The following AKR1C1 variants were observed in gnomAD, a reference collection of about 807,000 sequenced individuals.
The protein encoded by AKR1C1 is 20 alpha-hydroxysteroid dehydrogenase.
In AKR1C1, 32 loss-of-function variants were observed where a neutral mutation model predicts 40.6. That is an observed-to-expected ratio of 0.79 (90% CI 0.60 to 1.06). The LOEUF (loss-of-function observed/expected upper bound fraction) is 1.06. AKR1C1 is among the 50% of genes least tolerant of loss of function. The pLI is 0.00. For missense variants in AKR1C1, 320 were observed against 363.5 expected (o/e 0.88, Z 0.97); for synonymous variants, 105 against 134.2 (o/e 0.78, Z 1.50).
At position 4,979,259 on chromosome 10, in the gene AKR1C1, G is replaced by A. The variant is rs1158827077; in HGVS notation, c.*1517G>A. On this transcript the variant is annotated 3_prime_UTR_variant, in exon 9 of 9. Coordinates refer to ENST00000380872, the MANE Select transcript of AKR1C1 (RefSeq NM_001353.6). ...GTCTTCTATCATTCCGCTGATCTTA[G>A]ATATTCTCTGCATTAAATATTAAAT... is the stretch of plus-strand genomic sequence containing the variant. 5 of 152,056 alleles carry A rather than the reference G, an allele frequency of 3.3e-5. No individual in the cohort carries two copies. Among genetic ancestry groups the A allele is most frequent in the Admixed American group, 1.3e-4 (2 of 15,274 alleles). 9.4% of individuals were successfully genotyped at this position (152,056 alleles called of 1,614,324 possible).
At chr10:4,970,704 G>A (rs565611886) in intron 5 of AKR1C1, among the ~76,000 whole-genome samples, 214 of 150,932 alleles carry the variant, frequency 1.4e-3, no homozygotes, top group African/African-American at 4.9e-3. Flanking sequence ...GTAAACTATC[G>A]CAAGAACAAA....
intron 8 of AKR1C1, among the ~76,000 whole-genome samples, chr10:4,977,299 A>G (rs1231683393): frequency 6.6e-6 from 1 of 152,246 alleles, no homozygotes; most frequent in African/African-American, 2.4e-5. Context: ...CAGTATAATC[A>G]TCACACTCAA....
At chr10:4,964,689 G>T (rs1434262994) in intron 1 of AKR1C1, among the ~76,000 whole-genome samples, 1 of 152,176 alleles carries the variant, frequency 6.6e-6, no homozygotes, top group African/African-American at 2.4e-5. Context: ...TTTCCTAAAA[G>T]AGTTGCCTTG....
In AKR1C1 at chr10:4,977,813, G is replaced by A. The variant is rs1836551082; in HGVS notation, c.*71G>A. The stretch of plus-strand genomic sequence containing the variant: ...ATGGTGACACAGAGGATGGCTCTAT[G>A]CTGGTGACTGGACACATCGCCTCTG... On this transcript the variant is annotated 3_prime_UTR_variant, in exon 9 of 9. Coordinates refer to ENST00000380872, the MANE Select transcript of AKR1C1 (RefSeq NM_001353.6). 3.4e-6 allele frequency: 5 copies of A among 1,482,060 alleles called. No individual in the cohort carries two copies. Among genetic ancestry groups the A allele is most frequent in the Admixed American group, 3.7e-5 (2 of 54,662 alleles). 91.8% of individuals were successfully genotyped at this position (1,482,060 alleles called of 1,614,324 possible). A position where few individuals can be genotyped will look rare whatever the true frequency, so the allele number is the denominator to read the frequency against.
intron 8 of AKR1C1, among the ~76,000 whole-genome samples, chr10:4,977,144 T>G (rs1159667839): frequency 1.6e-4 from 24 of 152,358 alleles, no homozygotes; most frequent in African/African-American, 5.5e-4. Context: ...GTGTTATTTC[T>G]GCCTATAAAA....
rs1174379434 is a variant in AKR1C1, at chr10:4,965,933, T to C, written c.104T>C (p.Leu35Ser). 2 of 1,614,154 alleles carry C rather than the reference T, an allele frequency of 1.2e-6. No homozygotes were observed. The highest frequency in any genetic ancestry group is 2.2e-5 in the East Asian group (1 of 44,882). Residue 35 changes from leucine (L) to serine (S), a missense_variant, in exon 2 of 9, where the codon TTA (leucine) becomes TCA (serine). Around this residue, in one of 3 missense-constraint regions of AKR1C1, gnomAD observed 214 missense variants for 214.8 expected, o/e 1.00. Coordinates refer to ENST00000380872, the MANE Select transcript of AKR1C1 (RefSeq NM_001353.6). ...APAEVPKSKA[L>S]EATKLAIEAG... ...CCCCAGGTTCCTAAAAGTAAAGCTT[T>C]AGAGGCCACCAAATTGGCAATTGAA...
intron 5 of AKR1C1, among the ~76,000 whole-genome samples, chr10:4,970,295 A>C (rs936694433): frequency 3.3e-5 from 5 of 152,206 alleles, no homozygotes; most frequent in Non-Finnish European, 7.3e-5. Flanking sequence ...TTGCTTAATC[A>C]AAATATCTTT....
Position 4,968,389 on chromosome 10 carries a change from G to A in AKR1C1, c.447+3G>A. ...TGGATCTCTGTGCCACATGGGAGGT[G>A]AGTGTTTGGAGGTGAGAGAACGGAT... On this transcript the variant is annotated splice_donor_region_variant and intron_variant, in intron 4 of 8. Transcript: ENST00000380872. 2 of 1,543,974 alleles carry A rather than the reference G, an allele frequency of 1.3e-6. No individual in the cohort carries two copies. The highest frequency in any genetic ancestry group is 8.9e-7 in the Non-Finnish European group (1 of 1,127,048).
At position 4,979,563 on chromosome 10, in the gene AKR1C1, G is replaced by A. The variant is rs1836583847; in HGVS notation, c.*1821G>A. The A allele has an allele frequency of 6.6e-6, 1 of 152,082 alleles. No homozygotes were observed. The highest frequency in any genetic ancestry group is 2.4e-5 in the African/African-American group (1 of 41,338). 9.4% of individuals were successfully genotyped at this position (152,082 alleles called of 1,614,324 possible). On this transcript the variant is annotated 3_prime_UTR_variant, in exon 9 of 9. Coordinates refer to ENST00000380872, the MANE Select transcript of AKR1C1 (RefSeq NM_001353.6). ...CATTTTGTTAAAAGTTAGTAGTGAA[G>A]TGTGTAACGCTTAAGCAAACTTTCA...
intron 5 of AKR1C1, among the ~76,000 whole-genome samples, chr10:4,971,291 A>G (rs1554769805): frequency 1.3e-5 from 2 of 152,076 alleles, no homozygotes; most frequent in Non-Finnish European, 2.9e-5. Flanking sequence ...ATAAACTACT[A>G]TTCCTCTAAG....
intron 1 of AKR1C1, chr10:4,963,761 A>G (rs1325236485): frequency 2.6e-6 from 2 of 755,740 alleles, no homozygotes; most frequent in Admixed American, 1.8e-5. Context: ...ACTCAGCAGA[A>G]AGAACACGGC....
rs1469498110 is a variant in AKR1C1 at position 4,978,549 on chromosome 10, G to A, written c.*807G>A. The A allele has an allele frequency of 6.6e-6, 1 of 152,030 alleles. No homozygotes were observed. The highest frequency in any genetic ancestry group is 1.5e-5 in the Non-Finnish European group (1 of 68,014). The allele number at this position is 152,030 out of a possible 1,614,324, so 9.4% of individuals were successfully genotyped here. A position where few individuals can be genotyped will look rare whatever the true frequency, so the allele number is the denominator to read the frequency against. ...ACCCTATTGGTTTGTGGTGGGGCAGGGCATCAAAGACATCATTGACTAATC... is the reference window on the plus strand; with the variant it reads ...ACCCTATTGGTTTGTGGTGGGGCAGAGCATCAAAGACATCATTGACTAATC... On this transcript the variant is annotated 3_prime_UTR_variant, in exon 9 of 9. Transcript: ENST00000380872.
At chr10:4,973,585 T>C (rs1198617356) in intron 7 of AKR1C1, among the ~76,000 whole-genome samples, 1 of 152,146 alleles carries the variant, frequency 6.6e-6, no homozygotes, top group Non-Finnish European at 1.5e-5. Flanking sequence ...TCTGGGAAAT[T>C]CTATCACCTA....
Position 4,966,034 on chromosome 10 carries a change from A to C in AKR1C1, c.205A>C (p.Ile69Leu). 1.2e-6 allele frequency: 2 copies of C among 1,614,232 alleles called. No homozygotes were observed. The highest frequency in any genetic ancestry group is 1.6e-4 in the Middle Eastern group (1 of 6,062). The change falls in exon 2 of 9, where the codon ATT becomes CTT. Residue 69 changes from isoleucine to leucine, a missense_variant. Around this residue, in one of 3 missense-constraint regions of AKR1C1, gnomAD observed 214 missense variants for 214.8 expected, o/e 1.00. Coordinates refer to ENST00000380872, the MANE Select transcript of AKR1C1 (RefSeq NM_001353.6). The stretch of plus-strand genomic sequence containing the variant: ...GGTTGGACTGGCCATCCGAAGCAAG[A>C]TTGCAGATGGCAGTGTGAAGAGAGA... ...EQVGLAIRSK[I>L]ADGSVKREDI...
At position 4,972,573 on chromosome 10, in the gene AKR1C1, T is replaced by G; in HGVS notation, c.681-11T>G. The G allele has an allele frequency of 6.2e-7, 1 of 1,613,538 alleles. No individual in the cohort carries two copies. The highest frequency in any genetic ancestry group is 8.5e-7 in the Non-Finnish European group (1 of 1,179,746). ...GCCTCAGGGCCTCAGCCTTTCTGCC[T>G]TTCCTTCCAGGGTGGACCCGAACTC... On this transcript the variant is annotated splice_polypyrimidine_tract_variant and intron_variant, in intron 6 of 8. Transcript: ENST00000380872.
chr10:4,972,635 G>A lies in AKR1C1; in HGVS notation c.732G>A (p.Leu244=), dbSNP rs530738229. 6.8e-6 allele frequency: 11 copies of A among 1,613,582 alleles called. No individual in the cohort carries two copies. The highest frequency in any genetic ancestry group is 5.0e-5 in the Admixed American group (3 of 60,024). ...VLLEDPVLCA[L]AKKHKRTPAL... The stretch of plus-strand genomic sequence containing the variant: ...TGGAGGACCCAGTCCTTTGTGCCTT[G>A]GCAAAAAAGCACAAGCGAACCCCAG... The change falls in exon 7 of 9, where the codon TTG becomes TTA. Residue 244 remains leucine (L), a synonymous_variant. Transcript: ENST00000380872.
rs782388695 is a variant in AKR1C1 at position 4,977,695 on chromosome 10, T to A, written c.930-5T>A. ...CAGAGTGTGCATTTTTTTTTCTCTT[T>A]CCAGTTTTGCTGGCCCCCCTAATTA... On this transcript the variant is annotated splice_region_variant and splice_polypyrimidine_tract_variant and intron_variant, in intron 8 of 8. Coordinates refer to ENST00000380872, the MANE Select transcript of AKR1C1 (RefSeq NM_001353.6). The A allele has an allele frequency of 2.4e-5, 39 of 1,612,672 alleles. No individual in the cohort carries two copies. The South Asian group carries it at 4.1e-4, about 17-fold the overall frequency.
intron 7 of AKR1C1, among the ~76,000 whole-genome samples, chr10:4,974,257 CAT>C (rs1427037034): frequency 6.6e-5 from 10 of 150,876 alleles, no homozygotes; most frequent in African/African-American, 2.2e-4. Context: ...AGATATATGA[CAT>C]ATGTGTTATA....
chr10:4,965,295 G>A (rs984092376), intron 1 of AKR1C1, among the ~76,000 whole-genome samples: 1 of 152,032 alleles, frequency 6.6e-6, no homozygotes, highest in Non-Finnish European at 1.5e-5. Context: ...TTTCTGAGAT[G>A]GAGTCTCGCT....
Sources: allele counts gnomAD v4.1 joint callset (sites outside exome capture counted in the v4.1 genomes callset), GRCh38; gene constraint gnomAD v4.1.1; regional missense constraint gnomAD v4.1.1; transcripts MANE v1.5; gene names NCBI Gene and HGNC (gene_info 2026-07-23, HGNC 2026-07-21).